Variants in SP100 observed in about 807,000 individuals in gnomAD.
SP100 encodes the protein SP100 nuclear body protein, also known as nuclear autoantigen Sp-100.
In SP100, 84 loss-of-function variants were observed where a neutral mutation model predicts 130.0. The ratio of observed to expected loss-of-function variants is 0.65; its 90% confidence interval spans 0.54 to 0.77. SP100 has a LOEUF of 0.77. SP100 is among the 30% of genes least tolerant of loss of function. The pLI is 0.00. For missense variants in SP100, 978 were observed against 1,052.2 expected (o/e 0.93, Z 0.97); for synonymous variants, 331 against 351.7 (o/e 0.94, Z 0.66).
intron 13 of SP100, among the ~76,000 whole-genome samples, chr2:230,467,484 A>G (rs2065021847): frequency 6.6e-6 from 1 of 152,226 alleles, no homozygotes; most frequent in East Asian, 1.9e-4. Context: ...AGACTGGGTA[A>G]TTTACAAAAG....
chr2:230,502,126 A>G (rs2067071519), intron 19 of SP100, among the ~76,000 whole-genome samples: 1 of 151,162 alleles, frequency 6.6e-6, no homozygotes, highest in African/African-American at 2.4e-5. Flanking sequence ...TCAGAACTCC[A>G]TCCACCTTGG....
rs537671952 is a variant in SP100, at chr2:230,503,181, C to G, written c.1765+71C>G. ...ATTTAATATTCTGTACTGTGAGTAACAAGTCAGTTTTCTTAATTGGCATAT... is the reference window on the plus strand; with the variant it reads ...ATTTAATATTCTGTACTGTGAGTAAGAAGTCAGTTTTCTTAATTGGCATAT... On this transcript the variant is annotated intron_variant, in intron 20 of 28. Transcript: ENST00000340126. 6.0e-5 allele frequency: 70 copies of G among 1,175,006 alleles called. 1 individual carries two copies. The highest frequency in any genetic ancestry group is 7.9e-5 in the Non-Finnish European group (65 of 820,562). 72.8% of individuals were successfully genotyped at this position (1,175,006 alleles called of 1,614,324 possible).
Position 230,487,067 on chromosome 2 carries a change from A to G in SP100, c.1601-7349A>G, listed in dbSNP as rs191676608. Among the ~76,000 whole-genome samples the G allele has an allele frequency of 5.9e-5, 9 of 152,346 alleles. No individual in the cohort carries two copies. In the East Asian group the frequency reaches 1.7e-3, roughly 29 times the overall value. On this transcript the variant is annotated intron_variant, in intron 17 of 28. Coordinates refer to ENST00000340126, the MANE Select transcript of SP100 (RefSeq NM_001080391.2). ...TTAAAGTTCCTCATAAATTCTGGAT[A>G]TTAGACCTTTGTCAGATGGATAGAT...
intron 15 of SP100, 159 bp from the exon 16 acceptor site, chr2:230,473,164 GA>G: frequency 1.9e-6 from 1 of 537,148 alleles, no homozygotes. Context: ...GAACAGAAGG[GA>G]AAAATACAGT....
At chr2:230,423,846 C>T (rs55798834) in intron 2 of SP100, among the ~76,000 whole-genome samples, 17,253 of 152,202 alleles carry the variant, frequency 0.11, 1,077 homozygotes, top group African/African-American at 0.17. Context: ...TGGTTGTTTA[C>T]TCTGATCCTA....
chr2:230,424,555 C>A (rs1384565808), intron 2 of SP100, among the ~76,000 whole-genome samples: 3 of 151,780 alleles, frequency 2.0e-5, no homozygotes, highest in Admixed American at 1.3e-4. Flanking sequence ...GTAATCCCAG[C>A]TACTCAGGAG....
intron 2 of SP100, among the ~76,000 whole-genome samples, chr2:230,422,033 T>C (rs764927888): frequency 6.6e-6 from 1 of 152,148 alleles, no homozygotes; most frequent in Non-Finnish European, 1.5e-5. Context: ...TTTTTTTTCT[T>C]GAAAATCTTA....
intron 24 of SP100, among the ~76,000 whole-genome samples, chr2:230,535,950 T>C (rs1440297692): frequency 2.0e-5 from 3 of 150,548 alleles, no homozygotes; most frequent in Admixed American, 6.6e-5. Flanking sequence ...ATGTTTTCTT[T>C]TATAATGAGA....
intron 2 of SP100, among the ~76,000 whole-genome samples, chr2:230,434,783 A>G (rs1051503866): frequency 6.6e-6 from 1 of 152,182 alleles, no homozygotes; most frequent in African/African-American, 2.4e-5. Context: ...TGCTAAGTAG[A>G]GAAAATAGCC....
At chr2:230,451,348 G>A (rs763515706) in intron 8 of SP100, among the ~76,000 whole-genome samples, 11 of 152,164 alleles carry the variant, frequency 7.2e-5, no homozygotes, top group Admixed American at 1.3e-4. Flanking sequence ...AGTATGTGGT[G>A]ATGTTCATTG....
In SP100 at chr2:230,464,130, C is replaced by T. The variant is rs765429806; in HGVS notation, c.1121C>T (p.Ser374Leu). 5 of 1,610,362 alleles carry T rather than the reference C, an allele frequency of 3.1e-6. No individual in the cohort carries two copies. Among genetic ancestry groups the T allele is most frequent in the Non-Finnish European group, 4.2e-6 (5 of 1,176,636 alleles). Reference sequence around the variant, plus strand: ...AAGGAGGGCCAAGAAGCCACTTGCTCACGACCCCAGATTGTACCAGGTAAG... The same window carrying T: ...AAGGAGGGCCAAGAAGCCACTTGCTTACGACCCCAGATTGTACCAGGTAAG... ...DEKEGQEATC[S>L]RPQIVPEPMD... Residue 374 changes from serine (S) to leucine (L), a missense_variant, in exon 11 of 29, where the codon TCA (serine) becomes TTA (leucine). Transcript: ENST00000340126.
rs541780120 is a variant in SP100, at chr2:230,456,017, A to G, written c.821-5245A>G. On this transcript the variant is annotated intron_variant, in intron 8 of 28. Transcript: ENST00000340126. ...TATATTTACTTTACCAGTTAGTTTT[A>G]TACTTTCTTATATTTTTATATTATT... Among the ~76,000 whole-genome samples, 6 of 152,284 alleles carry G rather than the reference A, an allele frequency of 3.9e-5. No individual in the cohort carries two copies. The East Asian group carries it at 7.7e-4, about 20-fold the overall frequency.
chr2:230,503,510 A>T (rs2067151272), intron 20 of SP100, among the ~76,000 whole-genome samples: 1 of 152,110 alleles, frequency 6.6e-6, no homozygotes. Context: ...AGCTATTTTG[A>T]GATGTATAAT....
intron 10 of SP100, 164 bp from the exon 11 acceptor site, chr2:230,463,903 A>G: frequency 1.8e-6 from 1 of 540,670 alleles, no homozygotes; most frequent in Non-Finnish European, 3.4e-6. Flanking sequence ...TCACTAACCC[A>G]CAATGAAGGT....
chr2:230,447,319 A>G (rs976676305), intron 5 of SP100, among the ~76,000 whole-genome samples: 1 of 152,210 alleles, frequency 6.6e-6, no homozygotes, highest in Non-Finnish European at 1.5e-5. Flanking sequence ...GACACCAAAC[A>G]TGTCGGTGAT....
At chr2:230,501,943 G>A (rs529361703) in intron 19 of SP100, among the ~76,000 whole-genome samples, 13 of 151,844 alleles carry the variant, frequency 8.6e-5, no homozygotes, top group Non-Finnish European at 1.5e-4. Context: ...ATCTTGGCTC[G>A]CTGCAATCTC....
intron 13 of SP100, among the ~76,000 whole-genome samples, chr2:230,468,566 AGGCTGAGG>A (rs74433590): frequency 0.23 from 34,901 of 151,762 alleles, 4,819 homozygotes; most frequent in Middle Eastern, 0.32. Context: ...ACACTTTGGG[AGGCTGAGG>A]GGCTGAGGCA....
intron 24 of SP100, among the ~76,000 whole-genome samples, chr2:230,524,593 G>C (rs1359028197): frequency 1.3e-5 from 2 of 148,586 alleles, no homozygotes; most frequent in Non-Finnish European, 2.9e-5. Flanking sequence ...GATGCATAAA[G>C]AATCTTATAA....
chr2:230,499,705 T>A (rs1378939620), intron 19 of SP100, among the ~76,000 whole-genome samples: 4 of 151,672 alleles, frequency 2.6e-5, no homozygotes, highest in African/African-American at 9.7e-5. Flanking sequence ...ATTATTCCCC[T>A]GCTGGCTCCC....
Sources: allele counts gnomAD v4.1 joint callset (sites outside exome capture counted in the v4.1 genomes callset), GRCh38; gene constraint gnomAD v4.1.1; transcripts MANE v1.5; gene names NCBI Gene and HGNC (gene_info 2026-07-23, HGNC 2026-07-21).